Variants in OLFML2A observed in about 807,000 individuals in gnomAD.
The protein encoded by OLFML2A is olfactomedin-like protein 2A.
A neutral mutation model predicts 60.9 loss-of-function variants in OLFML2A; 47 were observed. The observed-to-expected ratio is 0.77, with a 90% CI of 0.61 to 0.98. The LOEUF (loss-of-function observed/expected upper bound fraction) is 0.98, where lower values mean the gene tolerates loss of function less well. OLFML2A is among the 50% of genes least tolerant of loss of function. The pLI is 0.00. For synonymous variants in OLFML2A, 372 were observed against 375.0 expected, an observed-to-expected ratio of 0.99 and a Z score of 0.09; for missense variants, 922 against 879.8, an observed-to-expected ratio of 1.05 and a Z score of -0.61.
At chr9:124,803,184 C>G (rs1334559056) in intron 5 of OLFML2A, among the ~76,000 whole-genome samples, 1 of 152,204 alleles carries the variant, frequency 6.6e-6, no homozygotes, top group African/African-American at 2.4e-5. Flanking sequence ...GCTGGGATTA[C>G]AGGCATGAGC....
chr9:124,795,154 A>C, intron 3 of OLFML2A, 23 bp downstream of exon 3: 1 of 1,417,018 alleles, frequency 7.1e-7, no homozygotes, highest in South Asian at 1.2e-5. Flanking sequence ...CTGCCGCCAG[A>C]GGCCAGGCTG....
intron 1 of OLFML2A, among the ~76,000 whole-genome samples, chr9:124,778,250 A>G (rs963228380): frequency 9.9e-5 from 15 of 151,066 alleles, no homozygotes; most frequent in African/African-American, 3.4e-4. Context: ...AGTCCCAGCT[A>G]CTCCGGAAGC....
Position 124,777,347 on chromosome 9 carries a change from G to A in OLFML2A, c.77G>A (p.Arg26His). Reference sequence around the variant, plus strand: ...CTGCTGCTGAGCGGCCGCCCCACGCGCGCCGACAGTAAGGTACGCACGCCC... The same window carrying A: ...CTGCTGCTGAGCGGCCGCCCCACGCACGCCGACAGTAAGGTACGCACGCCC... ...LVLLLSGRPT[R>H]ADSKVFGDLD... Residue 26 changes from arginine to histidine, a missense_variant, in exon 1 of 8, where the codon CGC becomes CAC. Physicochemically the swap from Arg to His is conservative, Grantham distance 29 (BLOSUM62 0). Coordinates refer to ENST00000373580, the MANE Select transcript of OLFML2A (RefSeq NM_182487.4). This position sits in a 1 kb window ranked among gnomAD's most constrained non-coding sequence, Gnocchi z 6.2. 1 of 1,288,774 alleles carries A rather than the reference G, an allele frequency of 7.8e-7. No individual in the cohort carries two copies. The highest frequency in any genetic ancestry group is 9.9e-7 in the Non-Finnish European group (1 of 1,013,316). 79.8% of individuals were successfully genotyped at this position (1,288,774 alleles called of 1,614,324 possible).
chr9:124,809,764 G>C (rs1206741789), intron 7 of OLFML2A, 44 bp from the exon 8 acceptor site: 2 of 1,547,156 alleles, frequency 1.3e-6, no homozygotes, highest in African/African-American at 1.5e-5. Context: ...GGGTGGGCTG[G>C]GGTTGCTCGG....
chr9:124,801,391 C>A, intron 4 of OLFML2A, 23 bp from the exon 5 acceptor site: 1 of 1,612,642 alleles, frequency 6.2e-7, no homozygotes, highest in Non-Finnish European at 8.5e-7. Context: ...TCCTTCAAGT[C>A]TGAGACTTCT....
At chr9:124,801,716 G>A (rs1841783222) in intron 5 of OLFML2A, 53 bp downstream of exon 5, 1 of 1,573,380 alleles carries the variant, frequency 6.4e-7, no homozygotes, top group Non-Finnish European at 8.7e-7. Flanking sequence ...ATGCCTCCTA[G>A]GAATCCCCTC....
At chr9:124,800,619 C>G (rs558143794) in intron 4 of OLFML2A, among the ~76,000 whole-genome samples, 1 of 152,320 alleles carries the variant, frequency 6.6e-6, no homozygotes, top group South Asian at 2.1e-4. Flanking sequence ...GCCTAGATGC[C>G]GATAAAGCAG....
At chr9:124,788,579 T>C (rs1328894820) in intron 2 of OLFML2A, among the ~76,000 whole-genome samples, 2 of 152,046 alleles carry the variant, frequency 1.3e-5, no homozygotes, top group South Asian at 2.1e-4. Context: ...GCACTCCAGC[T>C]TGGGCAACAA....
chr9:124,782,741 G>A (rs1329481295), intron 1 of OLFML2A, among the ~76,000 whole-genome samples: 2 of 152,190 alleles, frequency 1.3e-5, no homozygotes, highest in Admixed American at 6.5e-5. Context: ...GGCCTTGGCC[G>A]CCCCCATCAG....
chr9:124,777,393 C>T lies in OLFML2A; in HGVS notation c.90+33C>T. 1 of 1,228,860 alleles carries T rather than the reference C, an allele frequency of 8.1e-7. No individual in the cohort carries two copies. Among genetic ancestry groups the T allele is most frequent in the Non-Finnish European group, 1.0e-6 (1 of 984,702 alleles). The allele number at this position is 1,228,860 out of a possible 1,614,324, so 76.1% of individuals were successfully genotyped here. The stretch of plus-strand genomic sequence containing the variant: ...CGCCCCTCGGACCCGCGCGGCTCGG[C>T]GGGTAGCGGGGCGCGAGGGGGCGCT... On this transcript the variant is annotated intron_variant, in intron 1 of 7. Coordinates refer to ENST00000373580, the MANE Select transcript of OLFML2A (RefSeq NM_182487.4). This position sits in a 1 kb window ranked among gnomAD's most constrained non-coding sequence, Gnocchi z 6.2.
intron 2 of OLFML2A, among the ~76,000 whole-genome samples, chr9:124,789,708 C>T (rs1218597357): frequency 6.6e-6 from 1 of 152,226 alleles, no homozygotes; most frequent in Admixed American, 6.5e-5. Flanking sequence ...TGTCTCCCAA[C>T]ATTTGGCTAA....
chr9:124,780,510 G>GT (rs1012388145), intron 1 of OLFML2A, among the ~76,000 whole-genome samples: 16 of 152,232 alleles, frequency 1.1e-4, no homozygotes, highest in African/African-American at 3.9e-4. Context: ...GGCCAGGCTA[G>GT]TCCCGGGGGT....
chr9:124,801,753 G>A, intron 5 of OLFML2A, 90 bp downstream of exon 5: 1 of 1,374,978 alleles, frequency 7.3e-7, no homozygotes, highest in Non-Finnish European at 1.0e-6. Flanking sequence ...GACCACCCCA[G>A]ATTCAGTTCC....
Position 124,810,201 on chromosome 9 carries a change from G to T in OLFML2A, c.1748G>T (p.Gly583Val), listed in dbSNP as rs868364160. 7 of 1,613,744 alleles carry T rather than the reference G, an allele frequency of 4.3e-6. No individual in the cohort carries two copies. Residue 583 changes from glycine (G) to valine (V), a missense_variant, in exon 8 of 8, where the codon GGC becomes GTC. Coordinates refer to ENST00000373580, the MANE Select transcript of OLFML2A (RefSeq NM_182487.4). ...NSYGNCFLVCGILYAVDTYNQ... is the reference protein window; with the variant it reads ...NSYGNCFLVCVILYAVDTYNQ... ...TACGGGAACTGCTTCCTGGTGTGCG[G>T]CATCCTGTATGCCGTGGACACGTAC...
intron 1 of OLFML2A, among the ~76,000 whole-genome samples, chr9:124,783,651 A>G (rs1325694214): frequency 1.3e-5 from 2 of 152,214 alleles, no homozygotes; most frequent in African/African-American, 2.4e-5. Context: ...CTGAGGCTCC[A>G]GATGCCATGC....
At chr9:124,791,930 G>A (rs79366926) in intron 2 of OLFML2A, among the ~76,000 whole-genome samples, 1,596 of 152,174 alleles carry the variant, frequency 0.01, 28 homozygotes, top group African/African-American at 0.037. Context: ...TTGAACCTGT[G>A]CTGCTCAGCA....
Position 124,804,284 on chromosome 9 carries a change from C to T in OLFML2A, c.1110C>T (p.Thr370=). Residue 370 remains threonine (T), a synonymous_variant, in exon 6 of 8, where the codon ACC becomes ACT. Coordinates refer to ENST00000373580, the MANE Select transcript of OLFML2A (RefSeq NM_182487.4). ...CCACCACCGCCACCACCACCCCAACCCCCACCACCAGTCTCCTGCCCACCG... is the reference window on the plus strand; with the variant it reads ...CCACCACCGCCACCACCACCCCAACTCCCACCACCAGTCTCCTGCCCACCG... The part of the protein sequence containing the change: ...ATTTTATTTP[T]PTTSLLPTEP... 1.3e-6 allele frequency: 2 copies of T among 1,571,994 alleles called. No individual in the cohort carries two copies. Among genetic ancestry groups the T allele is most frequent in the Non-Finnish European group, 1.7e-6 (2 of 1,159,868 alleles).
intron 3 of OLFML2A, among the ~76,000 whole-genome samples, chr9:124,797,535 C>T (rs534886360): frequency 6.6e-6 from 1 of 152,294 alleles, no homozygotes; most frequent in African/African-American, 2.4e-5. Context: ...GATGACTGGA[C>T]GTCAATCACT....
chr9:124,796,404 A>T (rs972414291), intron 3 of OLFML2A, among the ~76,000 whole-genome samples: 1 of 152,066 alleles, frequency 6.6e-6, no homozygotes, highest in African/African-American at 2.4e-5. Context: ...GGAAATGTCA[A>T]CCCACTTCAT....
Sources: gnomAD v4.1 joint callset for allele counts (sites outside exome capture counted in the v4.1 genomes callset) on GRCh38, gnomAD v4.1.1 for gene constraint, Gnocchi (gnomAD v3.1) non-coding constraint, MANE v1.5 for transcripts, NCBI Gene and HGNC (gene_info 2026-07-23, HGNC 2026-07-21) for gene names.